SHTN1: variants seen among roughly 807,000 people sequenced by gnomAD.
SHTN1 encodes the protein shootin 1.
Under a neutral mutation model 83.1 loss-of-function variants are expected in SHTN1, and 42 were observed. The ratio of observed to expected loss-of-function variants is 0.51; its 90% CI spans 0.39 to 0.65. The LOEUF (loss-of-function observed/expected upper bound fraction) is 0.65. SHTN1 is among the 30% of genes least tolerant of loss of function. SHTN1 has a pLI of 0.00. For synonymous variants in SHTN1, 224 were observed against 247.7 expected, an observed-to-expected ratio of 0.90 and a Z score of 0.90; for missense variants, 622 against 737.8, an observed-to-expected ratio of 0.84 and a Z score of 1.82.
intron 11 of SHTN1, among the ~76,000 whole-genome samples, chr10:116,924,558 C>T (rs923269691): frequency 5.9e-4 from 90 of 152,124 alleles, no homozygotes; most frequent in African/African-American, 2.1e-3. Context: ...AACCAACAGT[C>T]AAGATGGGAC....
intron 2 of SHTN1, chr10:116,973,838 T>A (rs1381840456): frequency 7.9e-7 from 1 of 1,260,704 alleles, no homozygotes. Flanking sequence ...CAGAATTGTG[T>A]GTACTTTACC....
rs1174576153 is a variant in SHTN1, at chr10:117,024,348, C to CTTT, written c.-123+24094_-123+24096dup. ...GATGTATACACTTGTCAAAACTTTT[C>CTTT]TTTTTTTTTTTTTTTTTTTTTTTTG... On this transcript the variant is annotated intron_variant, in intron 2 of 17. Coordinates refer to the SHTN1 transcript ENST00000392901. 9.0e-4 allele frequency among the ~76,000 whole-genome samples: 70 copies of CTTT among 77,676 alleles called. 1 individual carries two copies. Among genetic ancestry groups the CTTT allele is most frequent in the African/African-American group, 1.2e-3 (23 of 19,216 alleles). 51.0% of individuals were successfully genotyped at this position (77,676 alleles called of 152,430 possible).
intron 1 of SHTN1, among the ~76,000 whole-genome samples, chr10:117,002,359 G>T (rs558567967): frequency 6.6e-6 from 1 of 152,128 alleles, no homozygotes; most frequent in Non-Finnish European, 1.5e-5. Context: ...CCTGACATAT[G>T]GTGGTACTTG....
At chr10:116,889,392 G>A (rs958928785) in intron 16 of SHTN1, among the ~76,000 whole-genome samples, 4 of 152,178 alleles carry the variant, frequency 2.6e-5, no homozygotes, top group African/African-American at 9.7e-5. Flanking sequence ...GTCACTTATA[G>A]GCTACAATTT....
At chr10:116,997,254 C>T (rs1485147126) in intron 1 of SHTN1, among the ~76,000 whole-genome samples, 1 of 152,218 alleles carries the variant, frequency 6.6e-6, no homozygotes, top group Non-Finnish European at 1.5e-5. Context: ...AACTGCTTTC[C>T]TTTGTCCTAA....
rs1176016607 is a variant in SHTN1, at chr10:116,908,413, A to G, written c.1360-1666T>C. ...CTTCTATGTGTAGAAGAGTCACACC[A>G]TAAGGTATGACCAATACTGACAAGA... On this transcript the variant is annotated intron_variant, in intron 14 of 16. Coordinates refer to ENST00000355371, the MANE Select transcript of SHTN1 (RefSeq NM_001127211.3). Among the ~76,000 whole-genome samples, 5 of 152,206 alleles carry G rather than the reference A, an allele frequency of 3.3e-5. No homozygotes were observed. In the East Asian group the frequency reaches 9.6e-4, roughly 29 times the overall value.
chr10:116,997,950 G>C (rs1166343809), intron 1 of SHTN1, among the ~76,000 whole-genome samples: 1 of 152,166 alleles, frequency 6.6e-6, no homozygotes, highest in East Asian at 1.9e-4. Flanking sequence ...AAATTAGTCA[G>C]GCATGGTGGC....
At chr10:116,903,184 T>A (rs1369476420) in intron 15 of SHTN1, among the ~76,000 whole-genome samples, 3 of 152,334 alleles carry the variant, frequency 2.0e-5, no homozygotes, top group South Asian at 2.1e-4. Context: ...CCCATTTAAT[T>A]CACCTATACT....
rs530346430 is a variant in SHTN1, at chr10:117,030,486, C to G, written c.-123+17959G>C. 5.3e-5 allele frequency among the ~76,000 whole-genome samples: 8 copies of G among 152,176 alleles called. No individual in the cohort carries two copies. The East Asian group carries it at 1.6e-3, about 30-fold the overall frequency. ...CAAGTATCAAGACCATCCAGGGAAA[C>G]AGGACATCACCACATGAACTAAATA... is the stretch of plus-strand genomic sequence containing the variant. On this transcript the variant is annotated intron_variant, in intron 2 of 17. Coordinates refer to the SHTN1 transcript ENST00000392901.
chr10:117,040,710 T>C (rs746784564), intron 2 of SHTN1, among the ~76,000 whole-genome samples: 2 of 152,180 alleles, frequency 1.3e-5, no homozygotes, highest in Non-Finnish European at 2.9e-5. Flanking sequence ...AACTGCTCAA[T>C]TGACTTTTCA....
chr10:117,074,085 T>C (rs1478142660), intron 1 of SHTN1, among the ~76,000 whole-genome samples: 2 of 152,192 alleles, frequency 1.3e-5, no homozygotes, highest in Non-Finnish European at 2.9e-5. Flanking sequence ...GTTTAAAGCA[T>C]ATCATTTTTC....
At chr10:116,901,257 A>C (rs891547066) in intron 16 of SHTN1, 1 of 985,268 alleles carries the variant, frequency 1.0e-6, no homozygotes. Context: ...TCAAAGTGCC[A>C]CTCTGAAGCA....
chr10:117,099,572 A>G (rs1383392020), intron 1 of SHTN1, among the ~76,000 whole-genome samples: 1 of 152,204 alleles, frequency 6.6e-6, no homozygotes, highest in Non-Finnish European at 1.5e-5. Context: ...GTCAGATTCC[A>G]AAACTCACAT....
rs370934016 is a variant in SHTN1, at chr10:116,899,084, T to C, written c.1673+2681A>G. Among the ~76,000 whole-genome samples the C allele has an allele frequency of 1.6e-4, 24 of 152,318 alleles. No individual in the cohort carries two copies. The East Asian group carries it at 3.9e-3, about 24-fold the overall frequency. ...CATTCATTTATTCAAAAAGAATTTA[T>C]TGAAAGCCTACCATAAGGCAGGAAT... On this transcript the variant is annotated intron_variant, in intron 16 of 16. Transcript: ENST00000355371.
intron 1 of SHTN1, among the ~76,000 whole-genome samples, chr10:116,991,391 A>G (rs571501208): frequency 8.1e-4 from 123 of 152,268 alleles, no homozygotes; most frequent in East Asian, 1.7e-3. Flanking sequence ...CAGGCTCTAC[A>G]AGGAACATGG....
At chr10:117,098,779 G>C (rs1337884058) in intron 1 of SHTN1, among the ~76,000 whole-genome samples, 1 of 152,076 alleles carries the variant, frequency 6.6e-6, no homozygotes, top group Non-Finnish European at 1.5e-5. Flanking sequence ...ACATTCCTGA[G>C]TTTCCCCCAA....
rs1166963835 is a variant in SHTN1, at chr10:117,106,065, G to A, written c.-189+20242C>T. ...GCAAAAGTTGGAGTGAGCCGAGGTC[G>A]CACCACTGCATTCCAGCCTGGGCGA... On this transcript the variant is annotated intron_variant, in intron 1 of 17. Coordinates refer to the SHTN1 transcript ENST00000392901. 4.6e-5 allele frequency among the ~76,000 whole-genome samples: 7 copies of A among 151,872 alleles called. No homozygotes were observed. The East Asian group carries it at 7.8e-4, about 17-fold the overall frequency.
chr10:116,946,511 T>A (rs1849588427), intron 7 of SHTN1, among the ~76,000 whole-genome samples: 2 of 141,356 alleles, frequency 1.4e-5, no homozygotes, highest in Non-Finnish European at 3.1e-5. Context: ...ATAAAATGAT[T>A]TATATATAAA....
intron 1 of SHTN1, among the ~76,000 whole-genome samples, chr10:117,069,546 T>G (rs1853051221): frequency 1.3e-5 from 2 of 152,200 alleles, no homozygotes; most frequent in African/African-American, 2.4e-5. Context: ...TAGGTCACAT[T>G]TATAACCCTT....
Sources: gnomAD v4.1 joint callset for allele counts (sites outside exome capture counted in the v4.1 genomes callset) on GRCh38, gnomAD v4.1.1 for gene constraint, MANE v1.5 for transcripts, NCBI Gene and HGNC (gene_info 2026-07-23, HGNC 2026-07-21) for gene names.